Variants in RGL1 observed in about 807,000 individuals in gnomAD.
RGL1 encodes ral guanine nucleotide dissociation stimulator like 1, also known as ral guanine nucleotide dissociation stimulator-like 1.
A neutral mutation model predicts 95.2 loss-of-function variants in RGL1; 24 were observed. That is an observed-to-expected ratio of 0.25 (90% CI 0.18 to 0.35). The LOEUF is 0.35. Ranked by LOEUF, RGL1 falls within the 10% of genes least tolerant of loss-of-function variation. The pLI is 1.00. For missense variants in RGL1, 715 were observed against 936.3 expected (o/e 0.76, Z 3.08); for synonymous variants, 329 against 344.9 (o/e 0.95, Z 0.51).
At position 183,752,674 on chromosome 1, in the gene RGL1, T is replaced by TTCTCTCTCTC. The variant is rs71130636; in HGVS notation, c.132+10407_132+10416dup. Among the ~76,000 whole-genome samples, 62 of 31,320 alleles carry TTCTCTCTCTC rather than the reference T, an allele frequency of 2.0e-3. 2 individuals are homozygous for TTCTCTCTCTC. Among genetic ancestry groups the TTCTCTCTCTC allele is most frequent in the Non-Finnish European group, 4.1e-4 (7 of 16,900 alleles). 20.5% of individuals were successfully genotyped at this position (31,320 alleles called of 152,430 possible). A position where few individuals can be genotyped will look rare whatever the true frequency, so the allele number is the denominator to read the frequency against. On this transcript the variant is annotated intron_variant, in intron 2 of 18. Coordinates refer to the RGL1 transcript ENST00000304685. ...AACAGTAACACATCTCTTTCTCTCT[T>TTCTCTCTCTC]TCTCTCTCTCTCTCTCTCTCTCTCT... is the stretch of plus-strand genomic sequence containing the variant.
chr1:183,707,356 G>A (rs947668992), intron 1 of RGL1, among the ~76,000 whole-genome samples: 1 of 152,200 alleles, frequency 6.6e-6, no homozygotes, highest in Admixed American at 6.5e-5. Flanking sequence ...GGATCTTCTG[G>A]AAATGAACCG....
chr1:183,876,824 T>C (rs138684635), intron 4 of RGL1, among the ~76,000 whole-genome samples: 1 of 152,310 alleles, frequency 6.6e-6, no homozygotes, highest in African/African-American at 2.4e-5. Context: ...ATTCTTCCTG[T>C]GAGAGGTGGC....
chr1:183,662,373 C>A (rs975338471), intron 1 of RGL1, among the ~76,000 whole-genome samples: 1 of 151,864 alleles, frequency 6.6e-6, no homozygotes, highest in Non-Finnish European at 1.5e-5. Context: ...TCTCAGGATA[C>A]AAAATCAATG....
chr1:183,695,680 C>G (rs982331163), intron 1 of RGL1, among the ~76,000 whole-genome samples: 3 of 152,078 alleles, frequency 2.0e-5, no homozygotes, highest in Non-Finnish European at 4.4e-5. Context: ...AGTAAAAGTT[C>G]AATATGTTAA....
At position 183,883,774 on chromosome 1, in the gene RGL1, A is replaced by G. The variant is rs1024452510; in HGVS notation, c.611-12A>G. The G allele has an allele frequency of 1.2e-6, 2 of 1,613,680 alleles. No individual in the cohort carries two copies. Among genetic ancestry groups the G allele is most frequent in the South Asian group, 2.2e-5 (2 of 91,048 alleles). ...TGGCGCCAAATTACTAATCTTTTCC[A>G]TATGTGAACAGATGGGCTTCCCAAC... On this transcript the variant is annotated splice_polypyrimidine_tract_variant and intron_variant, in intron 5 of 17. Transcript: ENST00000360851.
chr1:183,729,184 A>ATG (rs61621950), intron 1 of RGL1, among the ~76,000 whole-genome samples: 2,534 of 150,482 alleles, frequency 0.017, 49 homozygotes, highest in African/African-American at 0.053. Flanking sequence ...TAAAATATAT[A>ATG]TGTGTGTGTG....
At chr1:183,752,473 C>A (rs573000391) in intron 2 of RGL1, among the ~76,000 whole-genome samples, 1 of 152,132 alleles carries the variant, frequency 6.6e-6, no homozygotes, top group Non-Finnish European at 1.5e-5. Context: ...GATCCGCCCA[C>A]CTCGGCCTCC....
intron 2 of RGL1, among the ~76,000 whole-genome samples, chr1:183,797,971 G>T: frequency 6.6e-6 from 1 of 152,192 alleles, no homozygotes; most frequent in Non-Finnish European, 1.5e-5. Context: ...AGGTTTTATG[G>T]ATCTATAATC....
chr1:183,877,735 T>C (rs188300996), intron 4 of RGL1, among the ~76,000 whole-genome samples: 60 of 152,358 alleles, frequency 3.9e-4, no homozygotes, highest in Non-Finnish European at 5.0e-4. Context: ...TTCAAAGCCT[T>C]CTTAGGCTAA....
chr1:183,871,335 G>T (rs1302381037), intron 4 of RGL1, among the ~76,000 whole-genome samples: 1 of 152,210 alleles, frequency 6.6e-6, no homozygotes, highest in African/African-American at 2.4e-5. Context: ...GTAAGGCAAG[G>T]AGTGGCAAAA....
intron 2 of RGL1, among the ~76,000 whole-genome samples, chr1:183,783,001 G>A (rs1926832): frequency 0.015 from 2,327 of 152,222 alleles, 75 homozygotes; most frequent in African/African-American, 0.054. Flanking sequence ...CACTGGTACT[G>A]AATTTCTAAA....
chr1:183,694,167 T>A (rs77150362), intron 1 of RGL1, among the ~76,000 whole-genome samples: 1,880 of 152,288 alleles, frequency 0.012, 44 homozygotes, highest in African/African-American at 0.043. Flanking sequence ...GAATTTTATG[T>A]CTCTTGGGAA....
chr1:183,735,998 C>A (rs570372733), intron 1 of RGL1, among the ~76,000 whole-genome samples: 1 of 152,134 alleles, frequency 6.6e-6, no homozygotes, highest in Non-Finnish European at 1.5e-5. Context: ...ACCACCAAAC[C>A]AGGAGTTAGA....
At chr1:183,683,522 C>G (rs116197881) in intron 1 of RGL1, among the ~76,000 whole-genome samples, 12,322 of 152,190 alleles carry the variant, frequency 0.081, 917 homozygotes, top group African/African-American at 0.2. Flanking sequence ...TAGAGTTTCA[C>G]CCAAGAGATC....
intron 3 of RGL1, among the ~76,000 whole-genome samples, chr1:183,858,829 T>C (rs980750524): frequency 3.9e-5 from 6 of 152,180 alleles, no homozygotes; most frequent in Non-Finnish European, 8.8e-5. Context: ...GTTGAGTTTT[T>C]GTAAGCTATA....
intron 11 of RGL1, among the ~76,000 whole-genome samples, chr1:183,901,731 C>T (rs1405764195): frequency 3.3e-5 from 5 of 151,970 alleles, no homozygotes; most frequent in Non-Finnish European, 1.5e-5. Context: ...CTTCATCCCC[C>T]ATCTTCTCTG....
chr1:183,659,116 G>A (rs1313336655), intron 1 of RGL1, among the ~76,000 whole-genome samples: 6 of 152,100 alleles, frequency 3.9e-5, no homozygotes, highest in Admixed American at 1.3e-4. Flanking sequence ...AAAAAACAGA[G>A]CAGAAAAACT....
At chr1:183,720,433 T>C (rs2102202668) in intron 1 of RGL1, among the ~76,000 whole-genome samples, 1 of 152,324 alleles carries the variant, frequency 6.6e-6, no homozygotes, top group Admixed American at 6.5e-5. Context: ...TTCTTTTTAT[T>C]TCATTCCCAC....
intron 2 of RGL1, among the ~76,000 whole-genome samples, chr1:183,782,334 A>G (rs1659945851): frequency 6.6e-6 from 1 of 152,224 alleles, no homozygotes; most frequent in Non-Finnish European, 1.5e-5. Flanking sequence ...GCAAGATAGA[A>G]TCTTTTTTGC....
Sources: gnomAD v4.1 joint callset for allele counts (sites outside exome capture counted in the v4.1 genomes callset) on GRCh38, gnomAD v4.1.1 for gene constraint, MANE v1.5 for transcripts, NCBI Gene and HGNC (gene_info 2026-07-23, HGNC 2026-07-21) for gene names.